DNM2: variants seen among roughly 807,000 people sequenced by gnomAD.
The protein encoded by DNM2 is dynamin 2.
A neutral mutation model predicts 99.0 loss-of-function variants in DNM2; 15 were observed. The ratio of observed to expected loss-of-function variants is 0.15; its 90% CI spans 0.10 to 0.23. DNM2 has a LOEUF of 0.23. Ranked by LOEUF, DNM2 falls within the 10% of genes least tolerant of loss-of-function variation. The pLI, the probability that DNM2 is intolerant of heterozygous loss-of-function variation, is 1.00. For synonymous variants in DNM2, 525 were observed against 481.2 expected, an observed-to-expected ratio of 1.09 and a Z score of -1.19; for missense variants, 742 against 1,189.4, an observed-to-expected ratio of 0.62 and a Z score of 5.53.
Position 10,736,411 on chromosome 19 carries a change from C to T in DNM2, c.161+18008C>T, listed in dbSNP as rs116365294. ...ATGGGCGTGAGCCACCACGCCCACT[C>T]ATTTCTATATTGCTGTAGCTTTATA... On this transcript the variant is annotated intron_variant, in intron 1 of 20. Coordinates refer to ENST00000389253, the MANE Select transcript of DNM2 (RefSeq NM_001005361.3). 6.4e-3 allele frequency among the ~76,000 whole-genome samples: 977 copies of T among 152,310 alleles called. 18 individuals are homozygous for T. The highest frequency in any genetic ancestry group is 0.022 in the African/African-American group (929 of 41,568).
At chr19:10,783,675 TTTATTATTATTA>T (rs374887052) in intron 6 of DNM2, among the ~76,000 whole-genome samples, 2 of 141,314 alleles carry the variant, frequency 1.4e-5, no homozygotes, top group African/African-American at 5.5e-5. Flanking sequence ...CTCTTTTTTA[TTTATTATTATTA>T]TTATTATTAT....
intron 7 of DNM2, among the ~76,000 whole-genome samples, chr19:10,793,090 C>A (rs767092838): frequency 2.0e-5 from 3 of 152,134 alleles, no homozygotes; most frequent in Admixed American, 6.5e-5. Context: ...TGCAGAATTA[C>A]CATTAGTGGC....
At position 10,765,662 on chromosome 19, in the gene DNM2, T is replaced by G. The variant is rs2070774917; in HGVS notation, c.235+5851T>G. On this transcript the variant is annotated intron_variant, in intron 2 of 20. Transcript: ENST00000389253. This position sits in a 1 kb window ranked among gnomAD's most constrained non-coding sequence, Gnocchi z 4.4. The stretch of plus-strand genomic sequence containing the variant: ...AAGGGCTAAATGGGCATGGGAAGTG[T>G]TGTGTGCTGTGCCCACTTCTTGGTC... 6.6e-6 allele frequency among the ~76,000 whole-genome samples: 1 copy of G among 152,162 alleles called. No homozygotes were observed. Among genetic ancestry groups the G allele is most frequent in the South Asian group, 2.1e-4 (1 of 4,826 alleles).
rs1253864930 is a variant in DNM2, at chr19:10,830,332, T to C, written c.2497T>C (p.Ser833Pro). ...CTTCCCAGCCCCGCCTCAGATCCCATCTCGGCCAGTTCGGATCCCCCCAGG... is the reference window on the plus strand; with the variant it reads ...CTTCCCAGCCCCGCCTCAGATCCCACCTCGGCCAGTTCGGATCCCCCCAGG... ...DLFPAPPQIP[S>P]RPVRIPPGIP... Residue 833 changes from serine (S) to proline (P), a missense_variant, in exon 20 of 21, where the codon TCT becomes CCT. By Grantham distance (74) the Ser-to-Pro change is moderately conservative. Coordinates refer to ENST00000389253, the MANE Select transcript of DNM2 (RefSeq NM_001005361.3). The surrounding 1 kb of genome is among the most constrained non-coding windows in gnomAD (Gnocchi z 4.8). The C allele has an allele frequency of 1.2e-6, 2 of 1,613,254 alleles. No homozygotes were observed. The highest frequency in any genetic ancestry group is 1.7e-6 in the Non-Finnish European group (2 of 1,179,842).
At chr19:10,783,712 A>AT (rs2071460392) in intron 6 of DNM2, among the ~76,000 whole-genome samples, 1 of 114,114 alleles carries the variant, frequency 8.8e-6, no homozygotes. Flanking sequence ...ATTATTTTTT[A>AT]TTTTTGGAGA....
intron 11 of DNM2, among the ~76,000 whole-genome samples, chr19:10,798,899 T>C (rs2072034268): frequency 6.6e-6 from 1 of 152,140 alleles, no homozygotes; most frequent in African/African-American, 2.4e-5. Context: ...AAAATCCCTG[T>C]CCCTATGCCC....
chr19:10,760,820 C>A (rs2070598439), intron 2 of DNM2, among the ~76,000 whole-genome samples: 1 of 9,394 alleles, frequency 1.1e-4, no homozygotes, highest in African/African-American at 2.5e-4. Context: ...ACCACCACAC[C>A]CAGCTGATTT....
At chr19:10,821,386 T>C (rs1160104253) in intron 16 of DNM2, among the ~76,000 whole-genome samples, 1 of 152,024 alleles carries the variant, frequency 6.6e-6, no homozygotes, top group Admixed American at 6.6e-5. Context: ...TGGTTGATAG[T>C]TTTTTGTGTA....
At chr19:10,762,687 A>C (rs10426511) in intron 2 of DNM2, among the ~76,000 whole-genome samples, 2 of 152,182 alleles carry the variant, frequency 1.3e-5, no homozygotes, top group African/African-American at 2.4e-5. Flanking sequence ...GGAGGGAGCC[A>C]AGGCTTCCTG....
At chr19:10,734,316 T>G (rs189403714) in intron 1 of DNM2, among the ~76,000 whole-genome samples, 137 of 144,444 alleles carry the variant, frequency 9.5e-4, no homozygotes, top group African/African-American at 3.3e-3. Flanking sequence ...GCACTCCAGC[T>G]TGGGCAACAG....
At chr19:10,759,582 C>T in intron 1 of DNM2, 156 bp from the exon 2 acceptor site, 1 of 860,976 alleles carries the variant, frequency 1.2e-6, no homozygotes, top group Non-Finnish European at 2.0e-6. Context: ...TCAGGACCCT[C>T]CAAGACCAGA....
At chr19:10,798,808 CT>C (rs2072031551) in intron 11 of DNM2, among the ~76,000 whole-genome samples, 1 of 152,096 alleles carries the variant, frequency 6.6e-6, no homozygotes, top group African/African-American at 2.4e-5. Context: ...CCTAAAACCC[CT>C]GTCCCTATCA....
At chr19:10,745,802 A>T (rs75663851) in intron 1 of DNM2, among the ~76,000 whole-genome samples, 7,050 of 152,254 alleles carry the variant, frequency 0.046, 477 homozygotes, top group East Asian at 0.33. Flanking sequence ...TCAGTAGGGG[A>T]CAGACCTCTC....
intron 1 of DNM2, among the ~76,000 whole-genome samples, chr19:10,732,792 C>G (rs1001341250): frequency 2.0e-5 from 3 of 152,104 alleles, no homozygotes; most frequent in Non-Finnish European, 4.4e-5. Flanking sequence ...AACGCTCCCG[C>G]TCCACAGTCC....
intron 1 of DNM2, among the ~76,000 whole-genome samples, chr19:10,749,570 A>C (rs1180861018): frequency 2.0e-5 from 3 of 152,226 alleles, no homozygotes; most frequent in Non-Finnish European, 2.9e-5. Context: ...TGGATGGCCA[A>C]GTCAGTGCCC....
intron 1 of DNM2, among the ~76,000 whole-genome samples, chr19:10,758,554 C>G (rs951983131): frequency 1.4e-4 from 17 of 124,000 alleles, no homozygotes; most frequent in Non-Finnish European, 2.5e-4. Context: ...TCCCTCCCTT[C>G]CCTTCTTTCC....
Position 10,829,095 on chromosome 19 carries a change from C to T in DNM2, c.2118C>T (p.Ser706=). The T allele has an allele frequency of 2.5e-6, 4 of 1,613,982 alleles. No homozygotes were observed. Among genetic ancestry groups the T allele is most frequent in the Non-Finnish European group, 3.4e-6 (4 of 1,180,002 alleles). ...LAYLYSSADQ[S]SLMEESADQA... Reference sequence around the variant, plus strand: ...ACCTATACTCCTCGGCAGACCAGAGCAGCCTCATGGAGGAGTCGGCTGACC... The same window carrying T: ...ACCTATACTCCTCGGCAGACCAGAGTAGCCTCATGGAGGAGTCGGCTGACC... The change falls in exon 19 of 21, where the codon AGC becomes AGT. Residue 706 remains serine (S), a synonymous_variant. Coordinates refer to ENST00000389253, the MANE Select transcript of DNM2 (RefSeq NM_001005361.3).
intron 19 of DNM2, among the ~76,000 whole-genome samples, chr19:10,829,493 C>A (rs921812065): frequency 1.3e-5 from 2 of 152,154 alleles, no homozygotes; most frequent in African/African-American, 4.8e-5. Context: ...GAATAAATAC[C>A]CCGCCTGCCC....
chr19:10,773,485 G>T (rs1325679145), intron 3 of DNM2, among the ~76,000 whole-genome samples: 1 of 140,004 alleles, frequency 7.1e-6, no homozygotes, highest in African/African-American at 2.7e-5. Context: ...GTCTCGCTCT[G>T]TTGCCCAGGC....
Sources: gnomAD v4.1 joint callset for allele counts (sites outside exome capture counted in the v4.1 genomes callset) on GRCh38, gnomAD v4.1.1 for gene constraint, Gnocchi (gnomAD v3.1) non-coding constraint, MANE v1.5 for transcripts, NCBI Gene and HGNC (gene_info 2026-07-23, HGNC 2026-07-21) for gene names.